CMSS1: variants seen among roughly 807,000 people sequenced by gnomAD.
CMSS1 encodes the protein protein CMSS1.
Under a neutral mutation model 43.5 loss-of-function variants are expected in CMSS1, and 33 were observed. The ratio of observed to expected loss-of-function variants is 0.76; its 90% CI spans 0.57 to 1.01. CMSS1 has a LOEUF of 1.01. CMSS1 is among the 50% of genes least tolerant of loss of function. CMSS1 has a pLI of 0.00. For missense variants in CMSS1, 313 were observed against 326.4 expected (o/e 0.96, Z 0.32); for synonymous variants, 115 against 117.2 (o/e 0.98, Z 0.12).
At chr3:99,944,585 G>A (rs1007260528) in intron 1 of CMSS1, among the ~76,000 whole-genome samples, 3 of 152,206 alleles carry the variant, frequency 2.0e-5, no homozygotes, top group Admixed American at 1.3e-4. Context: ...TGCACTTTAT[G>A]GGTTAAAGTA....
chr3:99,868,065 A>T (rs1944608203), intron 1 of CMSS1, among the ~76,000 whole-genome samples: 1 of 152,210 alleles, frequency 6.6e-6, no homozygotes, highest in Non-Finnish European at 1.5e-5. Context: ...TTTGTCTTAC[A>T]GATTTGTTTT....
At chr3:99,930,261 CT>C (rs1307067347) in intron 1 of CMSS1, among the ~76,000 whole-genome samples, 2 of 152,288 alleles carry the variant, frequency 1.3e-5, no homozygotes, top group African/African-American at 2.4e-5. Context: ...TGGAGGACTA[CT>C]TTTTTTATTA....
intron 1 of CMSS1, among the ~76,000 whole-genome samples, chr3:99,974,018 T>A (rs1308494518): frequency 6.6e-6 from 1 of 152,256 alleles, no homozygotes; most frequent in Admixed American, 6.5e-5. Flanking sequence ...AATCTGAGAC[T>A]AAGTACCAAT....
intron 1 of CMSS1, among the ~76,000 whole-genome samples, chr3:100,126,222 G>A (rs1403016181): frequency 2.0e-5 from 3 of 152,066 alleles, no homozygotes; most frequent in African/African-American, 7.2e-5. Context: ...GAGATGGTAT[G>A]CTTTTCATGT....
chr3:100,161,256 G>A (rs1266291448), intron 3 of CMSS1, among the ~76,000 whole-genome samples: 1 of 152,206 alleles, frequency 6.6e-6, no homozygotes, highest in African/African-American at 2.4e-5. Flanking sequence ...GAGTGTGTGT[G>A]CATATGTTTT....
intron 1 of CMSS1, among the ~76,000 whole-genome samples, chr3:99,855,315 T>G (rs1403525158): frequency 6.6e-6 from 1 of 152,174 alleles, no homozygotes; most frequent in East Asian, 1.9e-4. Context: ...TACATTTTCA[T>G]GCAAAAAGGG....
intron 1 of CMSS1, among the ~76,000 whole-genome samples, chr3:100,006,128 A>G (rs1236775498): frequency 5.9e-5 from 9 of 152,146 alleles, no homozygotes; most frequent in Admixed American, 5.9e-4. Flanking sequence ...TTGCAGTTAT[A>G]AAACTCTGTG....
At chr3:99,889,346 G>T (rs903973567) in intron 1 of CMSS1, among the ~76,000 whole-genome samples, 3 of 151,934 alleles carry the variant, frequency 2.0e-5, no homozygotes, top group African/African-American at 7.2e-5. Flanking sequence ...CTTTATAGAT[G>T]TTTTTAACTT....
chr3:99,985,341 G>C (rs772386811), intron 1 of CMSS1, among the ~76,000 whole-genome samples: 1 of 151,994 alleles, frequency 6.6e-6, no homozygotes, highest in African/African-American at 2.4e-5. Context: ...AGACCAGCCC[G>C]AACAACATGG....
At chr3:100,061,500 T>C (rs1273902839) in intron 1 of CMSS1, among the ~76,000 whole-genome samples, 2 of 152,254 alleles carry the variant, frequency 1.3e-5, no homozygotes, top group Non-Finnish European at 2.9e-5. Context: ...CACTATTTTA[T>C]TTCTTATTAA....
At chr3:99,931,383 A>G (rs527662009) in intron 1 of CMSS1, among the ~76,000 whole-genome samples, 179 of 152,330 alleles carry the variant, frequency 1.2e-3, no homozygotes, top group Non-Finnish European at 2.2e-3. Context: ...CGTACTTAAC[A>G]TAATTATAAT....
At chr3:100,102,263 C>T (rs2066322374) in intron 1 of CMSS1, among the ~76,000 whole-genome samples, 2 of 152,212 alleles carry the variant, frequency 1.3e-5, no homozygotes, top group Non-Finnish European at 2.9e-5. Flanking sequence ...CCTATTTCTC[C>T]ACATCCTCTC....
chr3:99,837,779 G>C (rs568947318), intron 1 of CMSS1, among the ~76,000 whole-genome samples: 1 of 152,326 alleles, frequency 6.6e-6, no homozygotes, highest in South Asian at 2.1e-4. Flanking sequence ...TAGAAATCCA[G>C]ATTTAGAGTG....
chr3:100,029,705 GAT>G (rs549208524), intron 1 of CMSS1, among the ~76,000 whole-genome samples: 42 of 152,244 alleles, frequency 2.8e-4, no homozygotes, highest in African/African-American at 8.9e-4. Flanking sequence ...CAACATTTCT[GAT>G]GGTTTCTTTT....
At chr3:99,940,955 C>T (rs906194260) in intron 1 of CMSS1, among the ~76,000 whole-genome samples, 1 of 152,248 alleles carries the variant, frequency 6.6e-6, no homozygotes, top group Non-Finnish European at 1.5e-5. Context: ...TCTTAAAGCG[C>T]CTTGGGCTAC....
intron 1 of CMSS1, among the ~76,000 whole-genome samples, chr3:100,030,027 G>A (rs1576654765): frequency 6.6e-6 from 1 of 152,108 alleles, no homozygotes; most frequent in Admixed American, 6.6e-5. Flanking sequence ...CTCTAGCATG[G>A]AATGGAAAGT....
chr3:99,899,200 C>T (rs559919740), intron 1 of CMSS1, among the ~76,000 whole-genome samples: 5 of 152,096 alleles, frequency 3.3e-5, no homozygotes, highest in African/African-American at 7.2e-5. Context: ...TTCTGATGTT[C>T]GTTGATCTTT....
chr3:100,115,635 C>T (rs1328307260), intron 1 of CMSS1, among the ~76,000 whole-genome samples: 1 of 142,918 alleles, frequency 7.0e-6, no homozygotes, highest in East Asian at 2.1e-4. Flanking sequence ...CTCTGTCTCT[C>T]TCTCTCATCC....
At chr3:100,016,794 A>G (rs1334834018) in intron 1 of CMSS1, among the ~76,000 whole-genome samples, 1 of 152,210 alleles carries the variant, frequency 6.6e-6, no homozygotes, top group Non-Finnish European at 1.5e-5. Flanking sequence ...TAAAGCAGAC[A>G]TTTCCTTTAT....
Sources: allele counts gnomAD v4.1 joint callset (sites outside exome capture counted in the v4.1 genomes callset), GRCh38; gene constraint gnomAD v4.1.1; transcripts MANE v1.5; gene names NCBI Gene and HGNC (gene_info 2026-07-23, HGNC 2026-07-21).